Variants in SHISA9 observed in about 807,000 individuals in gnomAD.
SHISA9 encodes protein shisa-9.
SHISA9 carries 13 observed loss-of-function variants against 38.0 expected under a neutral mutation model. That is an observed-to-expected ratio of 0.34 (90% confidence interval 0.22 to 0.54). The LOEUF (loss-of-function observed/expected upper bound fraction) is 0.54. Ranked by LOEUF, SHISA9 falls within the 20% of genes least tolerant of loss-of-function variation. SHISA9 has a pLI of 0.91. For missense variants in SHISA9, 538 were observed against 575.8 expected (o/e 0.93, Z 0.67); for synonymous variants, 275 against 242.0 (o/e 1.14, Z -1.27).
At chr16:13,287,748 C>G in the SHISA9 span, among the ~76,000 whole-genome samples, 2 of 152,102 alleles carry the variant, frequency 1.3e-5, no homozygotes, top group African/African-American at 4.8e-5. Flanking sequence ...ATTGCAGGGA[C>G]CACCTAAGTG....
At chr16:13,099,813 C>T (rs2073861136) in intron 2 of SHISA9, among the ~76,000 whole-genome samples, 1 of 152,168 alleles carries the variant, frequency 6.6e-6, no homozygotes, top group African/African-American at 2.4e-5. Flanking sequence ...CCAGTGTTGA[C>T]CCAAGAAGTA....
At chr16:13,214,935 A>G (rs182265125) in intron 4 of SHISA9, among the ~76,000 whole-genome samples, 34 of 152,086 alleles carry the variant, frequency 2.2e-4, no homozygotes, top group African/African-American at 7.2e-4. Flanking sequence ...GCCAAACCAT[A>G]TCAATAGTTG....
At chr16:13,560,702 G>A in the SHISA9 span, among the ~76,000 whole-genome samples, 1 of 149,236 alleles carries the variant, frequency 6.7e-6, no homozygotes, top group East Asian at 2.0e-4. Flanking sequence ...ATAACAGTTG[G>A]TTCATAAGAT....
At chr16:13,326,954 G>A in the SHISA9 span, among the ~76,000 whole-genome samples, 1 of 152,126 alleles carries the variant, frequency 6.6e-6, no homozygotes, top group African/African-American at 2.4e-5. Flanking sequence ...TTGCAATCTA[G>A]TTATCCTGAA....
At chr16:13,299,104 C>G in the SHISA9 span, among the ~76,000 whole-genome samples, 211 of 152,338 alleles carry the variant, frequency 1.4e-3, 1 homozygote, top group East Asian at 0.027. Flanking sequence ...GCTCATCTAG[C>G]AAAGTCCAGC....
At chr16:12,978,659 C>G (rs1284748144) in intron 2 of SHISA9, among the ~76,000 whole-genome samples, 3 of 152,208 alleles carry the variant, frequency 2.0e-5, no homozygotes, top group Admixed American at 1.3e-4. Context: ...AGCAGTGTCT[C>G]ATCACCTTGG....
chr16:13,006,030 C>T (rs1362104964), intron 2 of SHISA9, among the ~76,000 whole-genome samples: 1 of 152,198 alleles, frequency 6.6e-6, no homozygotes, highest in East Asian at 1.9e-4. Context: ...GTCCCTGCAG[C>T]TTGGGCTACA....
chr16:13,486,064 A>T, the SHISA9 span, among the ~76,000 whole-genome samples: 10 of 152,180 alleles, frequency 6.6e-5, no homozygotes, highest in Admixed American at 6.5e-4. Flanking sequence ...GGGTTACCCT[A>T]GAGGCTTCCA....
chr16:13,343,814 G>A, the SHISA9 span, among the ~76,000 whole-genome samples: 2 of 152,178 alleles, frequency 1.3e-5, no homozygotes, highest in African/African-American at 4.8e-5. Flanking sequence ...TAGGAGAAGA[G>A]CATCAGTAAA....
chr16:12,954,509 A>G (rs1285392911), intron 2 of SHISA9, among the ~76,000 whole-genome samples: 1 of 152,174 alleles, frequency 6.6e-6, no homozygotes, highest in East Asian at 1.9e-4. Context: ...GATGGAGGAC[A>G]GGTTATTCCC....
intron 2 of SHISA9, among the ~76,000 whole-genome samples, chr16:12,953,631 C>G (rs996789901): frequency 1.3e-5 from 2 of 152,134 alleles, no homozygotes; most frequent in Non-Finnish European, 2.9e-5. Flanking sequence ...GTAGAGACAG[C>G]CTTGGGGCTC....
chr16:13,304,146 G>A, the SHISA9 span, among the ~76,000 whole-genome samples: 1 of 152,082 alleles, frequency 6.6e-6, no homozygotes, highest in South Asian at 2.1e-4. Context: ...CTCTGTCTTT[G>A]TGCTTCCCAT....
Position 12,913,922 on chromosome 16 carries a change from C to T in SHISA9, c.564-2766C>T, listed in dbSNP as rs189528104. Among the ~76,000 whole-genome samples, 507 of 152,188 alleles carry T rather than the reference C, an allele frequency of 3.3e-3. 7 individuals carry two copies. The highest frequency in any genetic ancestry group is 0.011 in the African/African-American group (436 of 41,510). On this transcript the variant is annotated intron_variant, in intron 1 of 4. Coordinates refer to ENST00000558583, the MANE Select transcript of SHISA9 (RefSeq NM_001145204.3). The stretch of plus-strand genomic sequence containing the variant: ...GTCCATTCATCAGCTGACGGCCATT[C>T]AGGTTGTTTCCGCTTGTTGGCTATT...
the SHISA9 span, among the ~76,000 whole-genome samples, chr16:13,327,194 T>G: frequency 6.6e-6 from 1 of 152,166 alleles, no homozygotes; most frequent in African/African-American, 2.4e-5. Context: ...CCTTTCTCCC[T>G]GCCCGCTGCA....
chr16:13,293,039 T>G, the SHISA9 span, among the ~76,000 whole-genome samples: 39 of 152,272 alleles, frequency 2.6e-4, no homozygotes, highest in African/African-American at 9.1e-4. Flanking sequence ...GTTTCCCCCC[T>G]GCAAACTGCT....
the SHISA9 span, among the ~76,000 whole-genome samples, chr16:13,365,359 C>A: frequency 6.6e-6 from 1 of 151,980 alleles, no homozygotes; most frequent in South Asian, 2.1e-4. Flanking sequence ...ATGTAGCATG[C>A]TCTAACATTT....
chr16:13,386,418 C>A, the SHISA9 span, among the ~76,000 whole-genome samples: 1 of 152,164 alleles, frequency 6.6e-6, no homozygotes, highest in Non-Finnish European at 1.5e-5. Context: ...TGAATTCAGA[C>A]AAGTCTGGAT....
At chr16:13,396,210 C>T in the SHISA9 span, among the ~76,000 whole-genome samples, 1 of 152,144 alleles carries the variant, frequency 6.6e-6, no homozygotes, top group Admixed American at 6.5e-5. Flanking sequence ...AATAGAAACA[C>T]AAACTAAATC....
intron 2 of SHISA9, among the ~76,000 whole-genome samples, chr16:13,184,853 G>T (rs974838766): frequency 5.3e-5 from 8 of 152,170 alleles, no homozygotes; most frequent in Non-Finnish European, 2.9e-5. Context: ...AAGGATATTT[G>T]TATTGTGCTC....
Sources: gnomAD v4.1 joint callset for allele counts (sites outside exome capture counted in the v4.1 genomes callset) on GRCh38, gnomAD v4.1.1 for gene constraint, MANE v1.5 for transcripts, NCBI Gene and HGNC (gene_info 2026-07-23, HGNC 2026-07-21) for gene names.